NCOA2: variants seen among roughly 807,000 people sequenced by gnomAD.
NCOA2 encodes nuclear receptor coactivator 2.
NCOA2 carries 21 observed loss-of-function variants against 145.1 expected under a neutral mutation model. The observed-to-expected ratio is 0.14, with a 90% CI of 0.10 to 0.21. The LOEUF is 0.21. Among genes scored for constraint, NCOA2 ranks in the 10% least tolerant of loss-of-function variants. The probability of loss-of-function intolerance (pLI) is 1.00; values close to 1 mark genes in which losing one functional copy is unlikely to be tolerated. For synonymous variants in NCOA2, 619 were observed against 637.5 expected (o/e 0.97, Z 0.44); for missense variants, 1,472 against 1,837.6 (o/e 0.80, Z 3.64).
chr8:70,435,722 A>G, the NCOA2 span, among the ~76,000 whole-genome samples: 9 of 151,136 alleles, frequency 6.0e-5, no homozygotes, highest in African/African-American at 9.7e-5. Context: ...ACACTTATAT[A>G]TATATATATA....
intron 12 of NCOA2, 96 bp downstream of exon 12, chr8:70,148,177 G>A (rs1284788818): frequency 1.6e-6 from 2 of 1,254,656 alleles, no homozygotes; most frequent in East Asian, 2.3e-5. Flanking sequence ...AAACCTTAAA[G>A]TGACTAAGCT....
chr8:70,339,675 G>A (rs1586540364), intron 1 of NCOA2, among the ~76,000 whole-genome samples: 1 of 152,062 alleles, frequency 6.6e-6, no homozygotes, highest in South Asian at 2.1e-4. Context: ...CACACTACCC[G>A]ACTTCAAGCT....
intron 2 of NCOA2, among the ~76,000 whole-genome samples, chr8:70,253,335 G>A (rs1823357418): frequency 6.6e-6 from 1 of 152,082 alleles, no homozygotes; most frequent in Non-Finnish European, 1.5e-5. Flanking sequence ...CAGTACCAAT[G>A]ACGCATAAGG....
chr8:70,313,243 A>C (rs1339313022), intron 1 of NCOA2, among the ~76,000 whole-genome samples: 3 of 152,234 alleles, frequency 2.0e-5, no homozygotes, highest in Non-Finnish European at 2.9e-5. Context: ...TCATGATTTT[A>C]TAACACTAGA....
At chr8:70,405,437 G>GTTTTTTTTTTT (rs34814735), upstream of NCOA2, among the ~76,000 whole-genome samples, 27 of 59,392 alleles carry the variant, frequency 4.5e-4, 5 homozygotes, top group African/African-American at 1.0e-3. Context: ...ATTTTTAAAG[G>GTTTTTTTTTTT]TTTTTTTTTT....
chr8:70,408,601 C>T (rs937108528), upstream of NCOA2, among the ~76,000 whole-genome samples: 2 of 151,994 alleles, frequency 1.3e-5, no homozygotes, highest in Non-Finnish European at 2.9e-5. Flanking sequence ...GAGTTGTAGA[C>T]CAGCGTGGGC....
At chr8:70,158,523 A>T (rs1812528614) in intron 10 of NCOA2, among the ~76,000 whole-genome samples, 1 of 152,240 alleles carries the variant, frequency 6.6e-6, no homozygotes, top group Non-Finnish European at 1.5e-5. Flanking sequence ...TTGTAAATAT[A>T]TACATAGAAA....
intron 1 of NCOA2, among the ~76,000 whole-genome samples, chr8:70,378,454 C>A (rs1348815877): frequency 6.6e-6 from 1 of 151,930 alleles, no homozygotes; most frequent in East Asian, 1.9e-4. Context: ...AGTAGGAGAT[C>A]CCCACATGTT....
chr8:70,129,518 A>C (rs1400549690), intron 16 of NCOA2, among the ~76,000 whole-genome samples: 1 of 152,172 alleles, frequency 6.6e-6, no homozygotes, highest in Admixed American at 6.5e-5. Context: ...GGTGGGGTCC[A>C]ATTCAGTTTG....
At chr8:70,385,570 G>A (rs1019223973) in intron 1 of NCOA2, among the ~76,000 whole-genome samples, 2 of 152,122 alleles carry the variant, frequency 1.3e-5, no homozygotes, top group Admixed American at 6.5e-5. Flanking sequence ...AGAACTACAG[G>A]TGCCCGCCAC....
chr8:70,158,270 T>C (rs1254013225), intron 10 of NCOA2, among the ~76,000 whole-genome samples: 1 of 152,228 alleles, frequency 6.6e-6, no homozygotes, highest in Non-Finnish European at 1.5e-5. Flanking sequence ...CAACGTTATA[T>C]ATTTACTGAT....
At chr8:70,345,883 C>A (rs949250530) in intron 1 of NCOA2, among the ~76,000 whole-genome samples, 5 of 152,160 alleles carry the variant, frequency 3.3e-5, no homozygotes, top group African/African-American at 9.7e-5. Flanking sequence ...CCATGTCCAA[C>A]AATCCTCCCA....
intron 1 of NCOA2, among the ~76,000 whole-genome samples, chr8:70,320,269 T>C (rs1462856083): frequency 2.0e-5 from 3 of 152,078 alleles, no homozygotes; most frequent in Non-Finnish European, 4.4e-5. Context: ...AGAAACTACA[T>C]TATGAGAAAA....
chr8:70,288,808 C>T (rs1448270703), intron 2 of NCOA2, among the ~76,000 whole-genome samples: 1 of 152,108 alleles, frequency 6.6e-6, no homozygotes, highest in Non-Finnish European at 1.5e-5. Context: ...AATATGTCAG[C>T]GCACAAGTGC....
At chr8:70,264,325 C>T (rs544876243) in intron 2 of NCOA2, among the ~76,000 whole-genome samples, 4 of 152,132 alleles carry the variant, frequency 2.6e-5, no homozygotes, top group African/African-American at 7.2e-5. Flanking sequence ...TCAGACCAGT[C>T]TGGGCAATAT....
chr8:70,234,737 G>A (rs764002870), intron 2 of NCOA2, among the ~76,000 whole-genome samples: 4 of 152,296 alleles, frequency 2.6e-5, no homozygotes, highest in East Asian at 3.9e-4. Flanking sequence ...ATTCTTAACA[G>A]CTTTTGGGGT....
At chr8:70,250,297 T>C (rs1586252109) in intron 2 of NCOA2, among the ~76,000 whole-genome samples, 1 of 136,378 alleles carries the variant, frequency 7.3e-6, no homozygotes, top group South Asian at 2.3e-4. Context: ...GAGGCTGAGG[T>C]GGGAGGATCA....
At chr8:70,229,497 C>A (rs1820947913) in intron 2 of NCOA2, among the ~76,000 whole-genome samples, 1 of 152,138 alleles carries the variant, frequency 6.6e-6, no homozygotes, top group African/African-American at 2.4e-5. Context: ...TATAAGAGAA[C>A]TTCAGGGCAC....
chr8:70,171,033 G>A (rs2132650565), intron 5 of NCOA2, among the ~76,000 whole-genome samples: 1 of 152,232 alleles, frequency 6.6e-6, no homozygotes, highest in South Asian at 2.1e-4. Context: ...ACCTTAGAAG[G>A]GCACTAATTA....
Sources: allele counts gnomAD v4.1 joint callset (sites outside exome capture counted in the v4.1 genomes callset), GRCh38; gene constraint gnomAD v4.1.1; transcripts MANE v1.5; gene names NCBI Gene and HGNC (gene_info 2026-07-23, HGNC 2026-07-21).